The following APOOL variants were observed in gnomAD, a reference collection of about 807,000 sequenced individuals.
APOOL encodes MICOS complex subunit MIC27.
APOOL carries 12 observed loss-of-function variants against 23.1 expected under a neutral mutation model. The ratio of observed to expected loss-of-function variants is 0.52; its 90% confidence interval spans 0.33 to 0.84. The LOEUF (loss-of-function observed/expected upper bound fraction) is 0.84, where lower values mean the gene tolerates loss of function less well. Among genes scored for constraint, APOOL ranks in the 40% least tolerant of loss-of-function variants. APOOL has a pLI of 0.02. For missense variants in APOOL, 212 were observed against 199.6 expected (o/e 1.06, Z -0.37); for synonymous variants, 77 against 69.9 (o/e 1.10, Z -0.51).
chrX:85,054,621 T>C (rs1838416300), intron 4 of APOOL, among the ~76,000 whole-genome samples: 1 of 110,691 alleles, frequency 9.0e-6, no homozygotes, highest in Non-Finnish European at 1.9e-5. Flanking sequence ...GCTAAGGTGT[T>C]GTACTTAGCA....
intron 1 of APOOL, among the ~76,000 whole-genome samples, chrX:85,037,955 A>G (rs1922270435): frequency 1.8e-5 from 2 of 111,760 alleles, no homozygotes; most frequent in African/African-American, 6.5e-5. Context: ...AAACAAATAC[A>G]ACAAAAACAA....
chrX:85,017,322 T>C (rs2040937199), intron 1 of APOOL, among the ~76,000 whole-genome samples: 1 of 111,413 alleles, frequency 9.0e-6, no homozygotes, highest in South Asian at 3.8e-4. Context: ...CCAGCTCCCA[T>C]GCATTTGGCG....
chrX:85,018,575 ATTCT>A (rs887057699), intron 1 of APOOL, among the ~76,000 whole-genome samples: 1 of 108,530 alleles, frequency 9.2e-6, no homozygotes, highest in Admixed American at 9.7e-5. Flanking sequence ...ACTATTTTTC[ATTCT>A]TTTTTTTTTT....
At chrX:85,084,105 T>C (rs1328508539) in intron 8 of APOOL, among the ~76,000 whole-genome samples, 1 of 109,301 alleles carries the variant, frequency 9.1e-6, no homozygotes, top group Non-Finnish European at 1.9e-5. Context: ...GATATAATTC[T>C]TAGTTGCTTA....
intron 1 of APOOL, among the ~76,000 whole-genome samples, chrX:85,010,218 T>C (rs5968436): frequency 0.035 from 3,892 of 112,105 alleles, 74 homozygotes; most frequent in Middle Eastern, 0.13. Context: ...ATTTTCACCC[T>C]GCTAGTAGGT....
chrX:85,092,353 T>C lies in APOOL; in HGVS notation c.*4675T>C. On this transcript the variant is annotated 3_prime_UTR_variant, in exon 9 of 9. Transcript: ENST00000373173. ...TTAGACTCAGGTGACAGTCAAATGT[T>C]GGAGGCTGTGTTGGGATGAGTTGTT... The C allele has an allele frequency of 8.8e-7, 1 of 1,140,742 alleles. No homozygotes were observed. Among genetic ancestry groups the C allele is most frequent in the Non-Finnish European group, 1.2e-6 (1 of 860,089 alleles). The allele number at this position is 1,140,742 out of a possible 1,213,427, so 94.0% of individuals were successfully genotyped here.
At chrX:85,011,189 ATTTG>A (rs1399649952) in intron 1 of APOOL, among the ~76,000 whole-genome samples, 1 of 110,898 alleles carries the variant, frequency 9.0e-6, no homozygotes, top group Non-Finnish European at 1.9e-5. Context: ...GATGCAAATT[ATTTG>A]TTCTTTTCTT....
intron 1 of APOOL, among the ~76,000 whole-genome samples, chrX:85,044,320 T>C (rs1922501022): frequency 9.1e-6 from 1 of 109,647 alleles, no homozygotes. Flanking sequence ...TTGCTCTTGT[T>C]GCCCAGGCTG....
chrX:85,068,666 A>G (rs1923558827), intron 6 of APOOL, among the ~76,000 whole-genome samples: 1 of 111,043 alleles, frequency 9.0e-6, no homozygotes, highest in Non-Finnish European at 1.9e-5. Context: ...TCGGCCTCCC[A>G]AAGTGCTGGG....
intron 1 of APOOL, among the ~76,000 whole-genome samples, chrX:85,020,979 C>T (rs1286420335): frequency 8.9e-6 from 1 of 111,932 alleles, no homozygotes; most frequent in Admixed American, 9.4e-5. Context: ...GCAAGGCCAC[C>T]CCTAGTGACA....
intron 8 of APOOL, among the ~76,000 whole-genome samples, chrX:85,078,389 C>G (rs1056243933): frequency 3.6e-5 from 4 of 111,301 alleles, no homozygotes; most frequent in African/African-American, 1.3e-4. Flanking sequence ...TGTCAAAGAT[C>G]AGATGGTTGT....
At position 85,036,021 on chromosome X, in the gene APOOL, G is replaced by A. The variant is rs779922761; in HGVS notation, c.16-10425G>A. Among the ~76,000 whole-genome samples, 14 of 112,275 alleles carry A rather than the reference G, an allele frequency of 1.2e-4. No individual in the cohort carries two copies. In the South Asian group the frequency reaches 1.8e-3, roughly 15 times the overall value. On this transcript the variant is annotated intron_variant, in intron 1 of 8. Transcript: ENST00000373173. The stretch of plus-strand genomic sequence containing the variant: ...TGTTTCTACTTCTGTGACAAATGTC[G>A]TTGGTAGTTTGATAGGAATAACTTG...
intron 8 of APOOL, among the ~76,000 whole-genome samples, chrX:85,081,200 C>A (rs765036939): frequency 1.3e-4 from 14 of 111,797 alleles, no homozygotes; most frequent in Non-Finnish European, 2.3e-4. Context: ...ATGGTCTTTA[C>A]AATTTGGCAT....
chrX:85,026,256 G>A (rs1259664897), intron 1 of APOOL, among the ~76,000 whole-genome samples: 1 of 113,187 alleles, frequency 8.8e-6, no homozygotes, highest in Non-Finnish European at 1.9e-5. Flanking sequence ...GCTGGTATAT[G>A]GGAAACAGTG....
chrX:85,060,156 T>A (rs1217749031), intron 5 of APOOL, among the ~76,000 whole-genome samples: 1 of 107,976 alleles, frequency 9.3e-6, no homozygotes, highest in African/African-American at 3.4e-5. Flanking sequence ...ATTGCTTGTT[T>A]TTCTCAGGTT....
intron 1 of APOOL, among the ~76,000 whole-genome samples, chrX:85,033,206 G>A (rs932579724): frequency 3.6e-5 from 4 of 112,079 alleles, no homozygotes; most frequent in Non-Finnish European, 7.5e-5. Context: ...GCCACTGCTG[G>A]TATTTGTGTT....
intron 5 of APOOL, among the ~76,000 whole-genome samples, chrX:85,064,456 T>G (rs1923372532): frequency 9.2e-6 from 1 of 109,272 alleles, no homozygotes; most frequent in African/African-American, 3.3e-5. Flanking sequence ...TCTCTAGTTA[T>G]TTTAGTTGTC....
intron 5 of APOOL, among the ~76,000 whole-genome samples, chrX:85,062,710 C>G (rs1923280249): frequency 9.0e-6 from 1 of 110,909 alleles, no homozygotes; most frequent in Non-Finnish European, 1.9e-5. Context: ...TATTCTGCTC[C>G]ATTGGTCTGT....
chrX:85,065,836 T>C (rs1027004671), intron 5 of APOOL, among the ~76,000 whole-genome samples: 4 of 110,963 alleles, frequency 3.6e-5, no homozygotes, highest in African/African-American at 9.8e-5. Flanking sequence ...CTGTAGATAA[T>C]GGAATAATAG....
Sources: allele counts gnomAD v4.1 joint callset (sites outside exome capture counted in the v4.1 genomes callset), GRCh38; gene constraint gnomAD v4.1.1; transcripts MANE v1.5; gene names NCBI Gene and HGNC (gene_info 2026-07-23, HGNC 2026-07-21).